The following SPACA7 variants were observed in gnomAD, a reference collection of about 807,000 sequenced individuals.
SPACA7 encodes the protein sperm acrosome-associated protein 7.
A neutral mutation model predicts 26.3 loss-of-function variants in SPACA7; 19 were observed. The observed-to-expected ratio is 0.72, with a 90% CI of 0.50 to 1.06. SPACA7 has a LOEUF of 1.06. Among genes scored for constraint, SPACA7 ranks in the 50% least tolerant of loss-of-function variants. The pLI, the probability that SPACA7 is intolerant of heterozygous loss-of-function variation, is 0.00. For synonymous variants in SPACA7, 84 were observed against 84.5 expected (o/e 0.99, Z 0.04); for missense variants, 211 against 229.9 (o/e 0.92, Z 0.53).
At chr13:112,386,571 G>A (rs1369657188) in intron 1 of SPACA7, among the ~76,000 whole-genome samples, 2 of 151,936 alleles carry the variant, frequency 1.3e-5, no homozygotes, top group Admixed American at 6.6e-5. Flanking sequence ...GCTACCAGAA[G>A]TTATCTTAGG....
intron 5 of SPACA7, among the ~76,000 whole-genome samples, chr13:112,402,040 C>A (rs1885681373): frequency 6.6e-6 from 1 of 152,104 alleles, no homozygotes; most frequent in African/African-American, 2.4e-5. Context: ...CCATGTTTCC[C>A]TGATTATATT....
rs779002404 is a variant in SPACA7 at position 112,398,066 on chromosome 13, G to C, written c.169G>C (p.Glu57Gln). The C allele has an allele frequency of 1.9e-6, 3 of 1,613,142 alleles. No homozygotes were observed. The South Asian group carries it at 3.3e-5, about 18-fold the overall frequency. ...SELLDEILVQ[E>Q]ILDLNKTTPS... ...CTCCCAAGATGAAATTCTGGTCCAG[G>C]AGATTTTAGATCTGAATAAAACAAC... Residue 57 changes from glutamate to glutamine, a missense_variant, in exon 3 of 7, where the codon GAG (glutamate) becomes CAG (glutamine). By Grantham distance (29) the Glu-to-Gln change is conservative. Coordinates refer to ENST00000283550, the MANE Select transcript of SPACA7 (RefSeq NM_145248.5).
At chr13:112,383,094 GA>G (rs1477359098) in intron 1 of SPACA7, among the ~76,000 whole-genome samples, 12 of 51,908 alleles carry the variant, frequency 2.3e-4, no homozygotes, top group East Asian at 1.2e-3. Context: ...AAGAAAGAAA[GA>G]AAGAAGAAAG....
At chr13:112,413,548 G>A (rs1298345389) in intron 5 of SPACA7, among the ~76,000 whole-genome samples, 4 of 151,858 alleles carry the variant, frequency 2.6e-5, no homozygotes, top group Non-Finnish European at 4.4e-5. Context: ...TTGATTATTC[G>A]ATAAATTGGG....
At chr13:112,430,407 G>A (rs896605495) in intron 5 of SPACA7, among the ~76,000 whole-genome samples, 7 of 152,110 alleles carry the variant, frequency 4.6e-5, no homozygotes, top group South Asian at 2.1e-4. Context: ...ATTATTCTCC[G>A]ATATATGGGA....
At chr13:112,411,936 T>A (rs1886379867) in intron 5 of SPACA7, among the ~76,000 whole-genome samples, 2 of 152,138 alleles carry the variant, frequency 1.3e-5, no homozygotes, top group Non-Finnish European at 2.9e-5. Context: ...ATGTACTGAT[T>A]TGCTTTCTTT....
intron 5 of SPACA7, among the ~76,000 whole-genome samples, chr13:112,423,644 T>G (rs1290151669): frequency 6.6e-6 from 1 of 152,206 alleles, no homozygotes; most frequent in Non-Finnish European, 1.5e-5. Context: ...GGGCAGTGTT[T>G]GAAGGAATGA....
chr13:112,383,070 G>GGC (rs1566452540), intron 1 of SPACA7, among the ~76,000 whole-genome samples: 7 of 140,108 alleles, frequency 5.0e-5, no homozygotes, highest in African/African-American at 1.1e-4. Context: ...GAGACAGAAA[G>GGC]AGAAAGAAAG....
chr13:112,389,282 C>G (rs1884726042), intron 1 of SPACA7, among the ~76,000 whole-genome samples: 1 of 152,194 alleles, frequency 6.6e-6, no homozygotes. Flanking sequence ...TTCACTGTCT[C>G]AGTCATAATT....
At chr13:112,377,998 T>C (rs1406127081) in intron 1 of SPACA7, among the ~76,000 whole-genome samples, 2 of 152,216 alleles carry the variant, frequency 1.3e-5, no homozygotes, top group African/African-American at 4.8e-5. Flanking sequence ...AGGATGGATT[T>C]CCTAGTTTGC....
At chr13:112,414,933 G>T (rs1312417066) in intron 5 of SPACA7, among the ~76,000 whole-genome samples, 2 of 152,298 alleles carry the variant, frequency 1.3e-5, no homozygotes, top group African/African-American at 4.8e-5. Context: ...CATGGGCTTT[G>T]TTTCTACCCA....
At chr13:112,401,194 CT>C in intron 5 of SPACA7, 30 bp downstream of exon 5, 1 of 1,543,860 alleles carries the variant, frequency 6.5e-7, no homozygotes, top group Non-Finnish European at 9.0e-7. Flanking sequence ...ACTGAGAGCT[CT>C]GTGGGAGAGA....
chr13:112,400,575 T>C (rs1300159683), intron 4 of SPACA7, among the ~76,000 whole-genome samples: 2 of 152,220 alleles, frequency 1.3e-5, no homozygotes, highest in African/African-American at 4.8e-5. Flanking sequence ...GGATGCTTGC[T>C]AAGTTCAATG....
chr13:112,390,761 C>T (rs1038626933), intron 1 of SPACA7, among the ~76,000 whole-genome samples: 3 of 152,186 alleles, frequency 2.0e-5, no homozygotes, highest in Non-Finnish European at 2.9e-5. Flanking sequence ...GCAAGGGGGA[C>T]GCCAGCCCCC....
intron 2 of SPACA7, among the ~76,000 whole-genome samples, chr13:112,396,707 G>A (rs1308619427): frequency 1.3e-5 from 2 of 152,250 alleles, no homozygotes. Flanking sequence ...CCAGAGGACA[G>A]AGCCTGAGTG....
chr13:112,422,355 T>C (rs1436782592), intron 5 of SPACA7, among the ~76,000 whole-genome samples: 3 of 152,136 alleles, frequency 2.0e-5, no homozygotes, highest in Non-Finnish European at 4.4e-5. Flanking sequence ...ATTTGGAAAC[T>C]TTAGCACTCT....
chr13:112,382,540 G>A (rs1313456195), intron 1 of SPACA7: 1 of 1,546,708 alleles, frequency 6.5e-7, no homozygotes, highest in South Asian at 1.2e-5. Context: ...GCAACTATCT[G>A]GGCGACACAT....
chr13:112,411,419 A>G (rs1349198514), intron 5 of SPACA7, among the ~76,000 whole-genome samples: 1 of 152,150 alleles, frequency 6.6e-6, no homozygotes. Context: ...CACCTCAATC[A>G]TTTATCATTT....
At chr13:112,414,464 G>A (rs1886560763) in intron 5 of SPACA7, among the ~76,000 whole-genome samples, 1 of 112,934 alleles carries the variant, frequency 8.9e-6, no homozygotes, top group Non-Finnish European at 1.7e-5. Context: ...AGGCTGTAGT[G>A]CAATGGCGTG....
Sources: gnomAD v4.1 joint callset for allele counts (sites outside exome capture counted in the v4.1 genomes callset) on GRCh38, gnomAD v4.1.1 for gene constraint, MANE v1.5 for transcripts, NCBI Gene and HGNC (gene_info 2026-07-23, HGNC 2026-07-21) for gene names.